The following CCDC125 variants were observed in gnomAD, a reference collection of about 807,000 sequenced individuals.
CCDC125 encodes the protein coiled-coil domain-containing protein 125.
A neutral mutation model predicts 57.4 loss-of-function variants in CCDC125; 43 were observed. The ratio of observed to expected loss-of-function variants is 0.75; its 90% CI spans 0.59 to 0.97. The LOEUF is 0.97. Ranked by LOEUF, CCDC125 falls within the 50% of genes least tolerant of loss-of-function variation. CCDC125 has a pLI of 0.00. For missense variants in CCDC125, 563 were observed against 595.7 expected (o/e 0.95, Z 0.57); for synonymous variants, 187 against 195.2 (o/e 0.96, Z 0.35).
intron 1 of CCDC125, among the ~76,000 whole-genome samples, chr5:69,326,190 ACTGTTTTGTATTATTTGGAGAATTTCAAT>A (rs1360703741): frequency 1.3e-5 from 2 of 152,144 alleles, no homozygotes; most frequent in East Asian, 3.9e-4. Context: ...ACTCTTAGCC[ACTGTTTTGTATTATTTGGAGAATTTCAAT>A]GAAATTAACA....
chr5:69,292,459 A>G, intron 9 of CCDC125, 97 bp from the exon 10 acceptor site: 3 of 858,700 alleles, frequency 3.5e-6, no homozygotes, highest in South Asian at 3.2e-5. Context: ...CTCACTGCCT[A>G]GCACTGGTTT....
At chr5:69,289,081 C>T (rs758572121) in intron 10 of CCDC125, among the ~76,000 whole-genome samples, 4 of 152,146 alleles carry the variant, frequency 2.6e-5, no homozygotes, top group Non-Finnish European at 4.4e-5. Context: ...AATGGCCAAG[C>T]TCCACACAGG....
chr5:69,310,493 T>A (rs1757964856), intron 4 of CCDC125: 1 of 159,942 alleles, frequency 6.3e-6, no homozygotes, highest in Admixed American at 6.5e-5. Flanking sequence ...TTCACAGCCA[T>A]GTGGAACTGT....
chr5:69,302,766 A>G (rs557664714), intron 7 of CCDC125, among the ~76,000 whole-genome samples: 118 of 152,138 alleles, frequency 7.8e-4, no homozygotes, highest in African/African-American at 2.7e-3. Flanking sequence ...TTATCCTTGC[A>G]TCAACTTTCA....
chr5:69,298,699 G>A (rs1755833067), intron 8 of CCDC125, among the ~76,000 whole-genome samples: 1 of 152,188 alleles, frequency 6.6e-6, no homozygotes, highest in South Asian at 2.1e-4. Context: ...GTTCCTGCCT[G>A]GCTGGAGGTA....
intron 9 of CCDC125, among the ~76,000 whole-genome samples, chr5:69,293,198 A>G (rs2150358098): frequency 6.6e-6 from 1 of 151,816 alleles, no homozygotes; most frequent in African/African-American, 2.4e-5. Flanking sequence ...GAGTGCAGTG[A>G]TGTGAACACG....
At chr5:69,330,904 T>C (rs1761334382) in intron 1 of CCDC125, among the ~76,000 whole-genome samples, 1 of 152,114 alleles carries the variant, frequency 6.6e-6, no homozygotes, top group Non-Finnish European at 1.5e-5. Context: ...GCCAAGTCAA[T>C]AATATCCAAG....
At chr5:69,308,991 C>G (rs1444938969) in intron 4 of CCDC125, 2 of 152,848 alleles carry the variant, frequency 1.3e-5, no homozygotes, top group Admixed American at 6.5e-5. Flanking sequence ...GAACTTTGAA[C>G]TTGAGAGAGA....
intron 11 of CCDC125, among the ~76,000 whole-genome samples, chr5:69,285,062 A>C (rs539220468): frequency 6.6e-6 from 1 of 152,254 alleles, no homozygotes; most frequent in East Asian, 1.9e-4. Flanking sequence ...GCGCCGCTGC[A>C]CTCCAGCCTG....
chr5:69,307,420 C>T (rs1016007266), intron 5 of CCDC125, among the ~76,000 whole-genome samples: 7 of 151,970 alleles, frequency 4.6e-5, no homozygotes, highest in Admixed American at 1.3e-4. Context: ...CGGTGTCTCA[C>T]GCCTGTAATC....
chr5:69,283,285 T>C (rs1457468877), intron 11 of CCDC125, among the ~76,000 whole-genome samples: 1 of 150,658 alleles, frequency 6.6e-6, no homozygotes, highest in Non-Finnish European at 1.5e-5. Flanking sequence ...AGTGGCACTA[T>C]CTCCACTCAC....
intron 10 of CCDC125, among the ~76,000 whole-genome samples, chr5:69,285,940 C>A (rs888796041): frequency 6.6e-6 from 1 of 151,892 alleles, no homozygotes; most frequent in Admixed American, 6.6e-5. Context: ...AACTGTATGA[C>A]CTCGGGTGAC....
downstream of CCDC125, among the ~76,000 whole-genome samples, chr5:69,279,818 T>C (rs1336737972): frequency 6.7e-6 from 1 of 149,918 alleles, no homozygotes; most frequent in African/African-American, 2.5e-5. Context: ...TATTATTCCG[T>C]TCTCAAACTG....
intron 7 of CCDC125, among the ~76,000 whole-genome samples, chr5:69,302,345 TG>T (rs1756601732): frequency 8.9e-6 from 1 of 112,240 alleles, no homozygotes; most frequent in African/African-American, 3.5e-5. Context: ...TCACCTGAAC[TG>T]GGAGGTGGAG....
chr5:69,330,592 T>TAA lies in CCDC125; in HGVS notation c.-41+2055_-41+2056dup, dbSNP rs11296299. On this transcript the variant is annotated intron_variant, in intron 1 of 11. Coordinates refer to ENST00000396496, the MANE Select transcript of CCDC125 (RefSeq NM_176816.5). ...CTGGGTGACAGAGCAAGACTCCATC[T>TAA]AAAAAAAAAAAATTCACTATCCTCC... is the stretch of plus-strand genomic sequence containing the variant. Among the ~76,000 whole-genome samples, 283 of 148,120 alleles carry TAA rather than the reference T, an allele frequency of 1.9e-3. 4 individuals carry two copies. Among genetic ancestry groups the TAA allele is most frequent in the African/African-American group, 5.7e-3 (230 of 40,412 alleles).
chr5:69,301,278 T>C (rs1433473300), intron 7 of CCDC125, among the ~76,000 whole-genome samples: 2 of 152,068 alleles, frequency 1.3e-5, no homozygotes, highest in Admixed American at 6.6e-5. Flanking sequence ...GCCTGGCTTG[T>C]GATTTGTCCT....
chr5:69,315,214 C>T (rs1758817818), intron 2 of CCDC125, among the ~76,000 whole-genome samples: 1 of 150,780 alleles, frequency 6.6e-6, no homozygotes, highest in African/African-American at 2.4e-5. Flanking sequence ...TGAGATTGCA[C>T]CATTAGACTC....
chr5:69,322,092 C>T (rs546944957), intron 1 of CCDC125, among the ~76,000 whole-genome samples: 3 of 151,948 alleles, frequency 2.0e-5, no homozygotes, highest in Non-Finnish European at 4.4e-5. Context: ...CTGCCTGCCT[C>T]GGCCTCCCAA....
chr5:69,314,111 T>A, intron 2 of CCDC125, 65 bp from the exon 3 acceptor site: 3 of 1,106,044 alleles, frequency 2.7e-6, no homozygotes, highest in Non-Finnish European at 4.1e-6. Context: ...TAATTAAACA[T>A]AGGACATTTG....
Sources: allele counts gnomAD v4.1 joint callset (sites outside exome capture counted in the v4.1 genomes callset), GRCh38; gene constraint gnomAD v4.1.1; transcripts MANE v1.5; gene names NCBI Gene and HGNC (gene_info 2026-07-23, HGNC 2026-07-21).